The following SLC13A4 variants were observed in gnomAD, a reference collection of about 807,000 sequenced individuals.
The protein encoded by SLC13A4 is Na(+)/sulfate cotransporter SUT-1.
A neutral mutation model predicts 72.7 loss-of-function variants in SLC13A4; 28 were observed. That is an observed-to-expected ratio of 0.39 (90% CI 0.29 to 0.53). The LOEUF (loss-of-function observed/expected upper bound fraction) is 0.53, where lower values mean the gene tolerates loss of function less well. SLC13A4 is among the 20% of genes least tolerant of loss of function. The probability of loss-of-function intolerance (pLI) is 0.78; values close to 1 mark genes in which losing one functional copy is unlikely to be tolerated. For missense variants in SLC13A4, 653 were observed against 788.0 expected, an observed-to-expected ratio of 0.83 and a Z score of 2.05; for synonymous variants, 312 against 325.5, an observed-to-expected ratio of 0.96 and a Z score of 0.45.
At chr7:135,709,072 G>C (rs961550142) in intron 2 of SLC13A4, among the ~76,000 whole-genome samples, 2 of 151,548 alleles carry the variant, frequency 1.3e-5, no homozygotes, top group African/African-American at 4.9e-5. Flanking sequence ...TGGGACCACA[G>C]GTGCCTGCCA....
At chr7:135,683,011 T>C (rs1032057151) in intron 15 of SLC13A4, among the ~76,000 whole-genome samples, 2 of 151,862 alleles carry the variant, frequency 1.3e-5, no homozygotes, top group African/African-American at 2.4e-5. Context: ...CGAAAGGACC[T>C]GAATAGGCTG....
At chr7:135,722,606 T>C (rs2129495510) in intron 1 of SLC13A4, among the ~76,000 whole-genome samples, 1 of 151,360 alleles carries the variant, frequency 6.6e-6, no homozygotes, top group Non-Finnish European at 1.5e-5. Context: ...AAAAAAAAGC[T>C]TTATTGCTTT....
intron 3 of SLC13A4, among the ~76,000 whole-genome samples, chr7:135,707,156 A>G (rs1796183157): frequency 6.6e-6 from 1 of 152,190 alleles, no homozygotes; most frequent in Non-Finnish European, 1.5e-5. Context: ...TGGGGGTGGC[A>G]ACTTGCTGAC....
chr7:135,719,781 ATGTGTGTGTGTGTGTGTGTGTATG>A (rs1796503149), intron 2 of SLC13A4, among the ~76,000 whole-genome samples: 4 of 146,016 alleles, frequency 2.7e-5, no homozygotes, highest in Non-Finnish European at 6.0e-5. Context: ...TCAATGCCAC[ATGTGTGTGTGTGTGTGTGTGTATG>A]TGTGTGTGTG....
At chr7:135,694,462 C>G (rs1386257539) in intron 9 of SLC13A4, among the ~76,000 whole-genome samples, 1 of 152,206 alleles carries the variant, frequency 6.6e-6, no homozygotes, top group African/African-American at 2.4e-5. Flanking sequence ...CCATCTGGGT[C>G]TGTCTCTGGT....
chr7:135,708,294 AC>A, intron 2 of SLC13A4, 44 bp from the exon 3 acceptor site: 1 of 1,611,654 alleles, frequency 6.2e-7, no homozygotes, highest in Non-Finnish European at 8.5e-7. Flanking sequence ...CGGACCAAAG[AC>A]CCAGGGCCCA....
chr7:135,687,594 A>C (rs2129493821), intron 13 of SLC13A4, among the ~76,000 whole-genome samples: 1 of 152,228 alleles, frequency 6.6e-6, no homozygotes, highest in Non-Finnish European at 1.5e-5. Flanking sequence ...AGAGCTTACA[A>C]ACCCAATATG....
Position 135,724,745 on chromosome 7 carries a change from G to A in SLC13A4, c.99+2653C>T, listed in dbSNP as rs549335502. On this transcript the variant is annotated intron_variant, in intron 1 of 15. Coordinates refer to ENST00000682651, the MANE Select transcript of SLC13A4 (RefSeq NM_001318192.2). ...ATTTTTTACCTGGATTTTCCTTAGA[G>A]TAGAAGAATGGACAAGAGACACCTT... 3.9e-5 allele frequency among the ~76,000 whole-genome samples: 6 copies of A among 152,280 alleles called. No individual in the cohort carries two copies. The East Asian group carries it at 1.2e-3, about 29-fold the overall frequency.
chr7:135,695,747 C>T (rs753804671), intron 8 of SLC13A4, among the ~76,000 whole-genome samples: 3 of 152,168 alleles, frequency 2.0e-5, no homozygotes, highest in Non-Finnish European at 2.9e-5. Flanking sequence ...ATACTTTGCA[C>T]TCAAGAGAAT....
At chr7:135,723,292 G>T (rs928039460) in intron 1 of SLC13A4, among the ~76,000 whole-genome samples, 21 of 152,166 alleles carry the variant, frequency 1.4e-4, no homozygotes, top group Non-Finnish European at 3.1e-4. Context: ...CACTCACTTT[G>T]CTGGCTGGAC....
At chr7:135,721,592 C>G in intron 1 of SLC13A4, 69 bp from the exon 2 acceptor site, 2 of 1,591,124 alleles carry the variant, frequency 1.3e-6, no homozygotes, top group South Asian at 2.2e-5. Flanking sequence ...GGATGCAACC[C>G]TGGCATCTGA....
intron 2 of SLC13A4, among the ~76,000 whole-genome samples, chr7:135,715,892 A>G (rs1563169571): frequency 6.6e-6 from 1 of 152,266 alleles, no homozygotes; most frequent in Non-Finnish European, 1.5e-5. Flanking sequence ...ACTAATCAGC[A>G]GAGGAAGTAG....
chr7:135,725,216 T>C (rs1796631419), intron 1 of SLC13A4, among the ~76,000 whole-genome samples: 1 of 152,242 alleles, frequency 6.6e-6, no homozygotes, highest in Admixed American at 6.5e-5. Flanking sequence ...GGACGTTTCC[T>C]AGTCAGCTAC....
rs747601067 is a variant in SLC13A4, at chr7:135,708,255, A to T, written c.229-5T>A. The T allele has an allele frequency of 2.5e-6, 4 of 1,614,094 alleles. No homozygotes were observed. The highest frequency in any genetic ancestry group is 3.4e-6 in the Non-Finnish European group (4 of 1,179,974). On this transcript the variant is annotated splice_polypyrimidine_tract_variant and splice_region_variant and intron_variant, in intron 2 of 15. Transcript: ENST00000682651. ...CTTGAAGTACTCCGCCGCCACCTGT[A>T]GGGAGGCCAGGCATGTCAGTCACCC...
At chr7:135,692,785 A>G (rs1795820118) in intron 10 of SLC13A4, 1 of 207,012 alleles carries the variant, frequency 4.8e-6, no homozygotes, top group Non-Finnish European at 9.6e-6. Flanking sequence ...CCATTTGATG[A>G]TACACATTAG....
intron 1 of SLC13A4, among the ~76,000 whole-genome samples, chr7:135,725,180 G>A (rs1393099374): frequency 6.6e-6 from 1 of 152,246 alleles, no homozygotes; most frequent in Non-Finnish European, 1.5e-5. Flanking sequence ...AAAGGAAAGA[G>A]TTCGAAAGTG....
At chr7:135,715,317 A>ATG (rs1256113501) in intron 2 of SLC13A4, among the ~76,000 whole-genome samples, 1 of 107,918 alleles carries the variant, frequency 9.3e-6, no homozygotes, top group Non-Finnish European at 1.8e-5. Flanking sequence ...AAGCATGTGT[A>ATG]TGTGTGTGAG....
Position 135,691,599 on chromosome 7 carries a change from G to A in SLC13A4, c.1270C>T (p.Leu424Phe). The A allele has an allele frequency of 3.1e-6, 5 of 1,613,988 alleles. No homozygotes were observed. The highest frequency in any genetic ancestry group is 4.2e-6 in the Non-Finnish European group (5 of 1,179,838). The change falls in exon 12 of 16, where the codon CTC becomes TTC. Residue 424 changes from leucine (L) to phenylalanine (F), a missense_variant. Transcript: ENST00000682651. ...DATVSVFLGF[L>F]LFLIPAKKPC... ...TTCTTCGCTGGAATGAGGAAGAGGAGGAAGCCAAGGAAGACAGAGACTGTG... is the reference window on the plus strand; with the variant it reads ...TTCTTCGCTGGAATGAGGAAGAGGAAGAAGCCAAGGAAGACAGAGACTGTG...
intron 14 of SLC13A4, 90 bp from the exon 15 acceptor site, chr7:135,684,351 T>C (rs1336212178): frequency 6.1e-6 from 9 of 1,480,548 alleles, no homozygotes. Context: ...GATGACTTGG[T>C]GCTGGCTAAC....
Sources: allele counts gnomAD v4.1 joint callset (sites outside exome capture counted in the v4.1 genomes callset), GRCh38; gene constraint gnomAD v4.1.1; transcripts MANE v1.5; gene names NCBI Gene and HGNC (gene_info 2026-07-23, HGNC 2026-07-21).